Variants in ROR2 observed in about 807,000 individuals in gnomAD.
The protein encoded by ROR2 is tyrosine-protein kinase transmembrane receptor ROR2.
In ROR2, 33 loss-of-function variants were observed where a neutral mutation model predicts 74.9. The ratio of observed to expected loss-of-function variants is 0.44; its 90% CI spans 0.33 to 0.59. ROR2 has a LOEUF of 0.59. ROR2 is among the 20% of genes least tolerant of loss of function. ROR2 has a pLI of 0.02. For missense variants in ROR2, 1,216 were observed against 1,313.8 expected (o/e 0.93, Z 1.15); for synonymous variants, 586 against 558.7 (o/e 1.05, Z -0.69).
chr9:91,770,678 A>C (rs1456020521), intron 2 of ROR2, among the ~76,000 whole-genome samples: 1 of 152,216 alleles, frequency 6.6e-6, no homozygotes, highest in African/African-American at 2.4e-5. Flanking sequence ...AGACACACCT[A>C]GCAGAGTTGC....
chr9:91,757,624 G>T, intron 2 of ROR2, 65 bp from the exon 3 acceptor site: 1 of 1,566,720 alleles, frequency 6.4e-7, no homozygotes, highest in African/African-American at 1.4e-5. Context: ...GGCTACCTGG[G>T]GGCTCTGCTA....
At chr9:91,906,186 G>A (rs559437497) in intron 1 of ROR2, among the ~76,000 whole-genome samples, 1 of 152,278 alleles carries the variant, frequency 6.6e-6, no homozygotes, top group Admixed American at 6.5e-5. Context: ...GGCTGAGGGG[G>A]AGAGCAGCGT....
intron 2 of ROR2, among the ~76,000 whole-genome samples, chr9:91,773,499 G>T (rs1201135223): frequency 1.3e-5 from 2 of 152,256 alleles, no homozygotes; most frequent in African/African-American, 2.4e-5. Context: ...GCTGCCCCAT[G>T]AACTTTCCGT....
At chr9:91,758,323 C>A (rs144641867) in intron 2 of ROR2, among the ~76,000 whole-genome samples, 23 of 152,290 alleles carry the variant, frequency 1.5e-4, no homozygotes, top group African/African-American at 5.1e-4. Flanking sequence ...GCTTCTCTTT[C>A]CAAACACTAC....
At chr9:91,790,040 TAC>T (rs1826920112) in intron 1 of ROR2, among the ~76,000 whole-genome samples, 2 of 152,214 alleles carry the variant, frequency 1.3e-5, no homozygotes, top group Admixed American at 6.5e-5. Context: ...CAAAATAATC[TAC>T]AGTCATGTGC....
At chr9:91,857,727 C>G (rs545496826) in intron 1 of ROR2, among the ~76,000 whole-genome samples, 1 of 152,268 alleles carries the variant, frequency 6.6e-6, no homozygotes, top group South Asian at 2.1e-4. Flanking sequence ...CCCCTCCCCT[C>G]CGCCCCCTCC....
At chr9:91,897,203 C>T (rs972134853) in intron 1 of ROR2, among the ~76,000 whole-genome samples, 2 of 152,194 alleles carry the variant, frequency 1.3e-5, no homozygotes, top group Non-Finnish European at 2.9e-5. Context: ...GTTTTCGAGT[C>T]CCATTAAACT....
chr9:91,737,884 T>A (rs1262481079), intron 4 of ROR2, among the ~76,000 whole-genome samples: 2 of 152,186 alleles, frequency 1.3e-5, no homozygotes, highest in African/African-American at 4.8e-5. Context: ...ATCTGAAGGC[T>A]ACATACATAC....
At chr9:91,745,208 C>A (rs1358252822) in intron 4 of ROR2, among the ~76,000 whole-genome samples, 3 of 151,946 alleles carry the variant, frequency 2.0e-5, no homozygotes, top group Non-Finnish European at 4.4e-5. Context: ...TCACTGCAAC[C>A]TCCACCTCCT....
At chr9:91,907,568 T>G (rs183313473) in intron 1 of ROR2, among the ~76,000 whole-genome samples, 47 of 152,222 alleles carry the variant, frequency 3.1e-4, no homozygotes, top group African/African-American at 1.1e-3. Context: ...TTGAGTCAAT[T>G]AAGTCATCTT....
At chr9:91,844,083 C>T (rs1301132806) in intron 1 of ROR2, among the ~76,000 whole-genome samples, 1 of 152,178 alleles carries the variant, frequency 6.6e-6, no homozygotes, top group East Asian at 1.9e-4. Flanking sequence ...CCATCAAACG[C>T]GGAGCTGCAC....
chr9:91,890,338 G>T (rs1830394061), intron 1 of ROR2, among the ~76,000 whole-genome samples: 1 of 152,158 alleles, frequency 6.6e-6, no homozygotes, highest in Non-Finnish European at 1.5e-5. Context: ...AAGGAGGCAG[G>T]AATCTTCTCC....
intron 1 of ROR2, among the ~76,000 whole-genome samples, chr9:91,909,044 G>A (rs978135734): frequency 6.6e-5 from 10 of 152,250 alleles, no homozygotes; most frequent in East Asian, 1.9e-4. Flanking sequence ...GCAAAGCACC[G>A]GAGTCCACAG....
rs114912520 is a variant in ROR2 at position 91,873,146 on chromosome 9, T to A, written c.97+76721A>T. 1.6e-3 allele frequency among the ~76,000 whole-genome samples: 246 copies of A among 152,162 alleles called. 1 individual carries two copies. The highest frequency in any genetic ancestry group is 5.6e-3 in the African/African-American group (232 of 41,460). On this transcript the variant is annotated intron_variant, in intron 1 of 8. Transcript: ENST00000375708. ...CTTTTCCGGATACACAGTGTCAACA[T>A]TGGTTTTCACCCTCCCCTGTCATTC...
At chr9:91,826,899 T>C (rs528926600) in intron 1 of ROR2, among the ~76,000 whole-genome samples, 3 of 152,330 alleles carry the variant, frequency 2.0e-5, no homozygotes, top group Non-Finnish European at 4.4e-5. Context: ...TTTATAACTT[T>C]GCTCTGATTA....
chr9:91,886,024 C>A (rs1221458504), intron 1 of ROR2, among the ~76,000 whole-genome samples: 1 of 151,872 alleles, frequency 6.6e-6, no homozygotes, highest in East Asian at 1.9e-4. Flanking sequence ...TACAGGTGTG[C>A]ACCACTACGT....
chr9:91,839,251 GGTGTGTGTGTGTGTGTGT>G (rs56134220), intron 1 of ROR2, among the ~76,000 whole-genome samples: 3 of 107,712 alleles, frequency 2.8e-5, no homozygotes, highest in Non-Finnish European at 4.0e-5. Flanking sequence ...TCAGATCGGG[GGTGTGTGTGTGTGTGTGT>G]GTGTGTGTGT....
chr9:91,748,457 G>A (rs1232328473), intron 4 of ROR2, among the ~76,000 whole-genome samples: 1 of 151,928 alleles, frequency 6.6e-6, no homozygotes, highest in Non-Finnish European at 1.5e-5. Context: ...CATAAAGGTG[G>A]GAATAGAAAA....
intron 1 of ROR2, among the ~76,000 whole-genome samples, chr9:91,838,777 AC>A (rs1828690712): frequency 6.6e-6 from 1 of 152,164 alleles, no homozygotes; most frequent in Non-Finnish European, 1.5e-5. Flanking sequence ...CCAAGCATTA[AC>A]CATGACAGAT....
Sources: allele counts gnomAD v4.1 joint callset (sites outside exome capture counted in the v4.1 genomes callset), GRCh38; gene constraint gnomAD v4.1.1; transcripts MANE v1.5; gene names NCBI Gene and HGNC (gene_info 2026-07-23, HGNC 2026-07-21).